Variants in ROBO2 observed in about 807,000 individuals in gnomAD.
ROBO2 encodes the protein roundabout guidance receptor 2, also known as roundabout homolog 2.
In ROBO2, 53 loss-of-function variants were observed where a neutral mutation model predicts 160.8. The ratio of observed to expected loss-of-function variants is 0.33; its 90% confidence interval spans 0.26 to 0.41. ROBO2 has a LOEUF of 0.41. Among genes scored for constraint, ROBO2 ranks in the 10% least tolerant of loss-of-function variants. ROBO2 has a pLI of 1.00. For synonymous variants in ROBO2, 664 were observed against 611.7 expected (o/e 1.09, Z -1.26); for missense variants, 1,577 against 1,722.4 (o/e 0.92, Z 1.49).
At chr3:77,562,724 A>G (rs1372549843) in exon 10 of ROBO2, 1 of 1,611,442 alleles carries the variant, frequency 6.2e-7, no homozygotes, top group Non-Finnish European at 8.5e-7. Context: ...GCAGTGCTGG[A>G]TGTGACAGGT....
chr3:77,574,947 A>T (rs920805167), intron 14 of ROBO2, among the ~76,000 whole-genome samples: 4 of 152,116 alleles, frequency 2.6e-5, no homozygotes, highest in Non-Finnish European at 4.4e-5. Context: ...AACCATTTGC[A>T]CCAAATCTTA....
intron 2 of ROBO2, among the ~76,000 whole-genome samples, chr3:76,858,632 T>G (rs1004354360): frequency 1.3e-5 from 2 of 152,204 alleles, no homozygotes; most frequent in South Asian, 2.1e-4. Context: ...ACTCGATATC[T>G]AAAGCCAAAT....
intron 2 of ROBO2, among the ~76,000 whole-genome samples, chr3:76,548,335 A>C (rs2083226425): frequency 6.6e-6 from 1 of 152,168 alleles, no homozygotes; most frequent in Non-Finnish European, 1.5e-5. Flanking sequence ...TTCCCAGTTG[A>C]ATCTGGACAC....
intron 2 of ROBO2, among the ~76,000 whole-genome samples, chr3:76,919,454 T>C (rs2076530866): frequency 6.6e-6 from 1 of 152,214 alleles, no homozygotes; most frequent in Non-Finnish European, 1.5e-5. Flanking sequence ...TCTCCTCATA[T>C]AAATCAATTT....
chr3:77,554,838 A>T (rs1401816990), intron 8 of ROBO2, among the ~76,000 whole-genome samples: 2 of 152,062 alleles, frequency 1.3e-5, no homozygotes, highest in African/African-American at 4.8e-5. Context: ...GATTCAAAAT[A>T]TCACATAAAC....
chr3:76,135,945 A>T (rs2071415035), intron 2 of ROBO2, among the ~76,000 whole-genome samples: 1 of 94,028 alleles, frequency 1.1e-5, no homozygotes. Context: ...ATTTTACTAC[A>T]AGGCAATATT....
intron 2 of ROBO2, among the ~76,000 whole-genome samples, chr3:76,818,421 AAGATTTTC>A (rs1376719583): frequency 4.0e-5 from 6 of 151,806 alleles, no homozygotes; most frequent in Non-Finnish European, 7.4e-5. Context: ...ATAGACTGTG[AAGATTTTC>A]TCTGACTCTG....
intron 2 of ROBO2, among the ~76,000 whole-genome samples, chr3:76,632,507 C>T (rs1395266044): frequency 6.6e-6 from 1 of 151,902 alleles, no homozygotes; most frequent in Non-Finnish European, 1.5e-5. Context: ...CAATTCTTAC[C>T]AAATGTCATA....
chr3:76,505,761 C>G (rs910280232), intron 2 of ROBO2, among the ~76,000 whole-genome samples: 3 of 152,162 alleles, frequency 2.0e-5, no homozygotes, highest in African/African-American at 7.2e-5. Flanking sequence ...ATTTCAGACT[C>G]CAGGAACAAG....
At chr3:75,908,925 C>G (rs1352270232) in intron 1 of ROBO2, among the ~76,000 whole-genome samples, 1 of 152,120 alleles carries the variant, frequency 6.6e-6, no homozygotes, top group African/African-American at 2.4e-5. Context: ...GTTTTTAAAC[C>G]ACTTAGTGTG....
In ROBO2 at chr3:76,089,735, A is replaced by G. The variant is rs887058702; in HGVS notation, c.109+152133A>G. The stretch of plus-strand genomic sequence containing the variant: ...GTCTACAGCTAATATCATACGTAAC[A>G]GTGAGAAACTCAAAGCTTCCTCATT... On this transcript the variant is annotated intron_variant, in intron 2 of 26. Coordinates refer to the ROBO2 transcript ENST00000487694. Among the ~76,000 whole-genome samples, 6 of 152,300 alleles carry G rather than the reference A, an allele frequency of 3.9e-5. No individual in the cohort carries two copies. In the East Asian group the frequency reaches 1.2e-3, roughly 29 times the overall value.
intron 2 of ROBO2, among the ~76,000 whole-genome samples, chr3:76,142,180 A>C (rs2106770869): frequency 6.6e-6 from 1 of 152,154 alleles, no homozygotes. Context: ...AACTTAAGAC[A>C]CAAGAATAAA....
At chr3:76,901,540 C>G (rs1423713794) in intron 2 of ROBO2, among the ~76,000 whole-genome samples, 1 of 125,582 alleles carries the variant, frequency 8.0e-6, no homozygotes, top group Non-Finnish European at 1.6e-5. Context: ...TGTACTCCAT[C>G]CTGGGCAACA....
intron 2 of ROBO2, among the ~76,000 whole-genome samples, chr3:76,777,418 G>C (rs189625470): frequency 4.2e-4 from 64 of 151,156 alleles, no homozygotes; most frequent in African/African-American, 1.5e-3. Context: ...TTTCTCATCT[G>C]CTAAATAAAT....
chr3:77,504,357 A>C (rs1455076246), intron 5 of ROBO2, among the ~76,000 whole-genome samples: 1 of 152,020 alleles, frequency 6.6e-6, no homozygotes, highest in Non-Finnish European at 1.5e-5. Context: ...TGTTATAAAA[A>C]TATGTCCTAT....
At chr3:76,298,260 G>A (rs765780462) in intron 2 of ROBO2, among the ~76,000 whole-genome samples, 1 of 152,150 alleles carries the variant, frequency 6.6e-6, no homozygotes, top group Non-Finnish European at 1.5e-5. Flanking sequence ...GTACAAGGGT[G>A]AGGGAGGAAG....
At position 77,573,127 on chromosome 3, in the gene ROBO2, T is replaced by C. The variant is rs186584117; in HGVS notation, c.1972-1372T>C. Reference sequence around the variant, plus strand: ...GTCAAATTTAAGCCTTGTTAGACTATAGCTATTAAACTATGATAAGGGATA... The same window carrying C: ...GTCAAATTTAAGCCTTGTTAGACTACAGCTATTAAACTATGATAAGGGATA... On this transcript the variant is annotated intron_variant, in intron 13 of 25. Transcript: ENST00000461745. 4.6e-3 allele frequency among the ~76,000 whole-genome samples: 701 copies of C among 152,112 alleles called. 6 individuals are homozygous for C. The highest frequency in any genetic ancestry group is 0.015 in the African/African-American group (618 of 41,552).
chr3:76,832,403 G>T (rs553744872), intron 2 of ROBO2, among the ~76,000 whole-genome samples: 1 of 152,178 alleles, frequency 6.6e-6, no homozygotes, highest in East Asian at 1.9e-4. Flanking sequence ...TTGCCCTCAA[G>T]AAATTAACAA....
intron 2 of ROBO2, among the ~76,000 whole-genome samples, chr3:76,374,770 T>C (rs746230452): frequency 2.6e-5 from 4 of 152,000 alleles, no homozygotes; most frequent in Non-Finnish European, 5.9e-5. Flanking sequence ...TTCAGTGGCC[T>C]GCTGCAAGTG....
Sources: allele counts gnomAD v4.1 joint callset (sites outside exome capture counted in the v4.1 genomes callset), GRCh38; gene constraint gnomAD v4.1.1; transcripts MANE v1.5; gene names NCBI Gene and HGNC (gene_info 2026-07-23, HGNC 2026-07-21).